The following DMC1 variants were observed in gnomAD, a reference collection of about 807,000 sequenced individuals.
DMC1 encodes the protein meiotic recombination protein DMC1 homolog.
Under a neutral mutation model 50.1 loss-of-function variants are expected in DMC1, and 27 were observed. That is an observed-to-expected ratio of 0.54 (90% confidence interval 0.40 to 0.74). The LOEUF is 0.74. Ranked by LOEUF, DMC1 falls within the 30% of genes least tolerant of loss-of-function variation. DMC1 has a pLI of 0.00. For synonymous variants in DMC1, 148 were observed against 136.1 expected, an observed-to-expected ratio of 1.09 and a Z score of -0.61; for missense variants, 295 against 420.2, an observed-to-expected ratio of 0.70 and a Z score of 2.60.
intron 8 of DMC1, among the ~76,000 whole-genome samples, chr22:38,540,840 A>G (rs1245530840): frequency 6.6e-6 from 1 of 152,190 alleles, no homozygotes; most frequent in East Asian, 1.9e-4. Context: ...CCCAGATACT[A>G]TGTTGTGGCA....
chr22:38,564,888 G>T (rs2090566046), intron 4 of DMC1, among the ~76,000 whole-genome samples: 1 of 152,136 alleles, frequency 6.6e-6, no homozygotes, highest in Non-Finnish European at 1.5e-5. Flanking sequence ...AACTGAGCTG[G>T]GTTCAGAGTG....
intron 5 of DMC1, among the ~76,000 whole-genome samples, chr22:38,557,652 G>C (rs1278853712): frequency 2.6e-5 from 4 of 152,094 alleles, no homozygotes; most frequent in Non-Finnish European, 5.9e-5. Flanking sequence ...GTGACAGAGT[G>C]AGACCGTGTC....
the DMC1 span, among the ~76,000 whole-genome samples, chr22:38,512,331 A>G: frequency 6.6e-6 from 1 of 152,080 alleles, no homozygotes; most frequent in Non-Finnish European, 1.5e-5. Flanking sequence ...CCAGCTGCCA[A>G]CTTAGGCAAT....
At chr22:38,524,108 C>T (rs1007692891) in intron 12 of DMC1, among the ~76,000 whole-genome samples, 2 of 152,050 alleles carry the variant, frequency 1.3e-5, no homozygotes, top group African/African-American at 4.8e-5. Flanking sequence ...ACATTGCCTG[C>T]TACTTTATAA....
Position 38,519,841 on chromosome 22 carries a change from G to A in DMC1, c.*179C>T. Reference sequence around the variant, plus strand: ...ACATATCCCTGAATTTACATACAATGTATAGTTATCATAAATCAGGGACTT... The same window carrying A: ...ACATATCCCTGAATTTACATACAATATATAGTTATCATAAATCAGGGACTT... On this transcript the variant is annotated 3_prime_UTR_variant, in exon 14 of 14. Coordinates refer to ENST00000216024, the MANE Select transcript of DMC1 (RefSeq NM_007068.4). 1 of 590,064 alleles carries A rather than the reference G, an allele frequency of 1.7e-6. No homozygotes were observed. The highest frequency in any genetic ancestry group is 1.7e-5 in the South Asian group (1 of 58,600). 36.6% of individuals were successfully genotyped at this position (590,064 alleles called of 1,614,324 possible).
At chr22:38,540,874 C>T (rs2090273602) in intron 8 of DMC1, among the ~76,000 whole-genome samples, 1 of 152,122 alleles carries the variant, frequency 6.6e-6, no homozygotes, top group Non-Finnish European at 1.5e-5. Context: ...TAATGCAGGC[C>T]TCCATAACAA....
At chr22:38,513,540 T>C in the DMC1 span, among the ~76,000 whole-genome samples, 1 of 152,112 alleles carries the variant, frequency 6.6e-6, no homozygotes, top group East Asian at 1.9e-4. Flanking sequence ...AGATATCCCT[T>C]GTATCTAATC....
chr22:38,510,881 A>G, the DMC1 span, among the ~76,000 whole-genome samples: 2 of 152,322 alleles, frequency 1.3e-5, no homozygotes, highest in East Asian at 1.9e-4. Context: ...ATGCTTCCTC[A>G]TTGTTTAATC....
chr22:38,527,706 A>G (rs1374689987), intron 12 of DMC1, among the ~76,000 whole-genome samples: 1 of 151,362 alleles, frequency 6.6e-6, no homozygotes, highest in Non-Finnish European at 1.5e-5. Flanking sequence ...TTTAGTAGAG[A>G]TGGGGTTTTG....
At chr22:38,538,228 C>G in intron 11 of DMC1, 67 bp downstream of exon 11, 2 of 1,342,656 alleles carry the variant, frequency 1.5e-6, no homozygotes, top group Non-Finnish European at 1.1e-6. Flanking sequence ...ACATTATATT[C>G]CAAGCTTCTC....
In DMC1 at chr22:38,552,763, T is replaced by A. The variant is rs976089112; in HGVS notation, c.380-56A>T. ...AATGCATAATTTCCAGATATTTTCA[T>A]AAAGAATAAAACATGGCTTTAGAAT... On this transcript the variant is annotated intron_variant, in intron 6 of 13. Transcript: ENST00000216024. The A allele has an allele frequency of 6.7e-6, 8 of 1,191,522 alleles. No individual in the cohort carries two copies. In the African/African-American group the frequency reaches 1.1e-4, roughly 16 times the overall value. The allele number at this position is 1,191,522 out of a possible 1,614,324, so 73.8% of individuals were successfully genotyped here. A position where few individuals can be genotyped will look rare whatever the true frequency, so the allele number is the denominator to read the frequency against.
Position 38,570,027 on chromosome 22 carries a change from C to G in DMC1, c.-34+16G>C, listed in dbSNP as rs1437143845. The G allele has an allele frequency of 2.6e-5, 4 of 152,196 alleles. No homozygotes were observed. Among genetic ancestry groups the G allele is most frequent in the Non-Finnish European group, 5.9e-5 (4 of 68,048 alleles). 9.4% of individuals were successfully genotyped at this position (152,196 alleles called of 1,614,324 possible). On this transcript the variant is annotated intron_variant, in intron 1 of 13. Transcript: ENST00000216024. The stretch of plus-strand genomic sequence containing the variant: ...CCCCTCAGAGTCTTCGCACGCTGTT[C>G]GTTTTTGCCACTTACCCCCCTCGTA...
chr22:38,554,422 G>A (rs914853711), intron 6 of DMC1, among the ~76,000 whole-genome samples: 2 of 125,152 alleles, frequency 1.6e-5, no homozygotes, highest in Admixed American at 1.7e-4. Context: ...ATGAAAACCA[G>A]ATTTAGTGCC....
At chr22:38,544,984 A>G (rs1412810021) in intron 8 of DMC1, among the ~76,000 whole-genome samples, 2 of 152,144 alleles carry the variant, frequency 1.3e-5, no homozygotes, top group Non-Finnish European at 2.9e-5. Flanking sequence ...CTCTGGGTTC[A>G]CAGAAGACAT....
At chr22:38,535,108 G>C (rs1371998726) in intron 12 of DMC1, among the ~76,000 whole-genome samples, 1 of 151,762 alleles carries the variant, frequency 6.6e-6, no homozygotes, top group Non-Finnish European at 1.5e-5. Context: ...AACCATCCTG[G>C]CTAACACGGT....
chr22:38,567,881 C>T (rs1306084943), intron 2 of DMC1, among the ~76,000 whole-genome samples: 1 of 152,168 alleles, frequency 6.6e-6, no homozygotes, highest in East Asian at 1.9e-4. Context: ...ACTGGAACAA[C>T]ATTTGAACTA....
chr22:38,528,340 AG>A (rs1372651307), intron 12 of DMC1, among the ~76,000 whole-genome samples: 1 of 151,938 alleles, frequency 6.6e-6, no homozygotes, highest in African/African-American at 2.4e-5. Flanking sequence ...TTGGGATTAC[AG>A]GTGTGAGCCA....
chr22:38,548,862 A>G (rs2090373397), intron 8 of DMC1, among the ~76,000 whole-genome samples: 1 of 152,032 alleles, frequency 6.6e-6, no homozygotes, highest in African/African-American at 2.4e-5. Context: ...AAGTAAAATT[A>G]GTACATTAAA....
chr22:38,515,628 G>A (rs147201731), downstream of DMC1, among the ~76,000 whole-genome samples: 30 of 152,006 alleles, frequency 2.0e-4, no homozygotes, highest in African/African-American at 5.8e-4. Context: ...GTGAAACCTC[G>A]TCTCTACTAA....
Sources: gnomAD v4.1 joint callset for allele counts (sites outside exome capture counted in the v4.1 genomes callset) on GRCh38, gnomAD v4.1.1 for gene constraint, MANE v1.5 for transcripts, NCBI Gene and HGNC (gene_info 2026-07-23, HGNC 2026-07-21) for gene names.